Variants in LRRC4C observed in about 807,000 individuals in gnomAD.
LRRC4C encodes leucine rich repeat containing 4C.
Under a neutral mutation model 33.6 loss-of-function variants are expected in LRRC4C, and 5 were observed. The ratio of observed to expected loss-of-function variants is 0.15; its 90% CI spans 0.08 to 0.31. The LOEUF (loss-of-function observed/expected upper bound fraction) is 0.31. Ranked by LOEUF, LRRC4C falls within the 10% of genes least tolerant of loss-of-function variation. The pLI, the probability that LRRC4C is intolerant of heterozygous loss-of-function variation, is 1.00. For missense variants in LRRC4C, 560 were observed against 796.7 expected, an observed-to-expected ratio of 0.70 and a Z score of 3.58; for synonymous variants, 329 against 302.0, an observed-to-expected ratio of 1.09 and a Z score of -0.93.
At chr11:40,741,360 C>A (rs758182043) in intron 2 of LRRC4C, among the ~76,000 whole-genome samples, 1 of 151,990 alleles carries the variant, frequency 6.6e-6, no homozygotes, top group Admixed American at 6.6e-5. Context: ...CTATTCTAAT[C>A]TCCAACATAT....
intron 1 of LRRC4C, among the ~76,000 whole-genome samples, chr11:41,026,709 CA>C (rs1856391946): frequency 6.6e-6 from 1 of 151,310 alleles, no homozygotes; most frequent in Admixed American, 6.6e-5. Context: ...CACCATTCAG[CA>C]GCCATCGACA....
chr11:41,208,333 T>C (rs2136299692), intron 1 of LRRC4C, among the ~76,000 whole-genome samples: 1 of 152,304 alleles, frequency 6.6e-6, no homozygotes, highest in African/African-American at 2.4e-5. Flanking sequence ...TATAGTAAAA[T>C]GAGAGCGGAA....
At chr11:40,402,106 T>C (rs1949782013) in intron 3 of LRRC4C, among the ~76,000 whole-genome samples, 2 of 152,072 alleles carry the variant, frequency 1.3e-5, no homozygotes, top group Non-Finnish European at 2.9e-5. Flanking sequence ...CAGATAACCA[T>C]TTGAGAACAC....
chr11:41,076,807 C>T (rs372904518), intron 1 of LRRC4C, among the ~76,000 whole-genome samples: 10 of 152,180 alleles, frequency 6.6e-5, no homozygotes, highest in African/African-American at 1.4e-4. Flanking sequence ...AGTCCAAGTC[C>T]GTAGTCTCAT....
chr11:40,326,833 G>A (rs1170399747), intron 3 of LRRC4C, among the ~76,000 whole-genome samples: 1 of 152,156 alleles, frequency 6.6e-6, no homozygotes, highest in Non-Finnish European at 1.5e-5. Context: ...GTTTTTTAAA[G>A]ATGATAATAA....
At chr11:40,410,015 T>C (rs1950099266) in intron 3 of LRRC4C, among the ~76,000 whole-genome samples, 1 of 152,096 alleles carries the variant, frequency 6.6e-6, no homozygotes, top group Non-Finnish European at 1.5e-5. Flanking sequence ...AAACAAATTT[T>C]AGTGTCTACA....
intron 1 of LRRC4C, among the ~76,000 whole-genome samples, chr11:40,975,427 C>A (rs1406391966): frequency 8.5e-5 from 13 of 152,162 alleles, no homozygotes; most frequent in Non-Finnish European, 1.5e-4. Flanking sequence ...ATGATACAAT[C>A]CCTGCCTTCT....
chr11:41,379,602 C>T (rs1048302561), intron 1 of LRRC4C, among the ~76,000 whole-genome samples: 1 of 151,968 alleles, frequency 6.6e-6, no homozygotes, highest in Non-Finnish European at 1.5e-5. Context: ...AAAGTCCTTC[C>T]CTAGCCTTGA....
chr11:41,144,822 G>T (rs943632721), intron 1 of LRRC4C, among the ~76,000 whole-genome samples: 1 of 151,944 alleles, frequency 6.6e-6, no homozygotes, highest in Non-Finnish European at 1.5e-5. Context: ...ATTTTCTCTG[G>T]ATAATTTCCT....
At chr11:40,403,559 C>T (rs1949842768) in intron 3 of LRRC4C, among the ~76,000 whole-genome samples, 1 of 151,944 alleles carries the variant, frequency 6.6e-6, no homozygotes, top group Admixed American at 6.6e-5. Context: ...ACAAGGTGGT[C>T]TATGAAAATT....
intron 3 of LRRC4C, among the ~76,000 whole-genome samples, chr11:40,439,957 G>A (rs191534608): frequency 2.6e-5 from 4 of 152,296 alleles, no homozygotes; most frequent in Admixed American, 2.6e-4. Flanking sequence ...TTTAAATAAA[G>A]TTTTGTTTGA....
chr11:41,179,920 T>G (rs1443601957), intron 1 of LRRC4C, among the ~76,000 whole-genome samples: 1 of 152,066 alleles, frequency 6.6e-6, no homozygotes, highest in African/African-American at 2.4e-5. Flanking sequence ...AACAGAAAGA[T>G]AGCCAGTAAA....
At chr11:41,197,635 C>G (rs948053538) in intron 1 of LRRC4C, among the ~76,000 whole-genome samples, 1 of 151,630 alleles carries the variant, frequency 6.6e-6, no homozygotes, top group African/African-American at 2.4e-5. Flanking sequence ...AATTTTTTTT[C>G]ATTGACATTA....
chr11:40,194,854 C>G (rs924618798), intron 5 of LRRC4C, among the ~76,000 whole-genome samples: 1 of 151,948 alleles, frequency 6.6e-6, no homozygotes, highest in Admixed American at 6.5e-5. Flanking sequence ...TTTGGGAGGC[C>G]GAGGTGGGCG....
At chr11:40,254,267 C>T (rs1867024565) in intron 4 of LRRC4C, among the ~76,000 whole-genome samples, 1 of 152,148 alleles carries the variant, frequency 6.6e-6, no homozygotes, top group South Asian at 2.1e-4. Flanking sequence ...TAGCCATTCA[C>T]ACTTTAATTA....
intron 2 of LRRC4C, among the ~76,000 whole-genome samples, chr11:40,695,096 G>A (rs1455106337): frequency 6.6e-6 from 1 of 152,054 alleles, no homozygotes; most frequent in Non-Finnish European, 1.5e-5. Flanking sequence ...AATAACTGAT[G>A]GACCAACTCT....
chr11:40,654,471 CTGTTGGATTT>C (rs536435929), intron 2 of LRRC4C, among the ~76,000 whole-genome samples: 2 of 152,306 alleles, frequency 1.3e-5, no homozygotes, highest in Admixed American at 6.5e-5. Context: ...AATTCCTGCC[CTGTTGGATTT>C]TGGACTTGCA....
chr11:40,478,922 T>C (rs1221781071), intron 3 of LRRC4C, among the ~76,000 whole-genome samples: 1 of 152,208 alleles, frequency 6.6e-6, no homozygotes, highest in South Asian at 2.1e-4. Flanking sequence ...CTAATGTTGG[T>C]TAAATTGCAT....
intron 3 of LRRC4C, among the ~76,000 whole-genome samples, chr11:40,510,149 G>A (rs1217115872): frequency 1.3e-5 from 2 of 150,344 alleles, no homozygotes; most frequent in East Asian, 1.9e-4. Flanking sequence ...ATAGAACCCT[G>A]CAATCAATAT....
Sources: gnomAD v4.1 joint callset for allele counts (sites outside exome capture counted in the v4.1 genomes callset) on GRCh38, gnomAD v4.1.1 for gene constraint, MANE v1.5 for transcripts, NCBI Gene and HGNC (gene_info 2026-07-23, HGNC 2026-07-21) for gene names.